ATP11B: variants seen among roughly 807,000 people sequenced by gnomAD.
ATP11B encodes the protein ATPase phospholipid transporting 11B (putative).
A neutral mutation model predicts 157.8 loss-of-function variants in ATP11B; 81 were observed. That is an observed-to-expected ratio of 0.51 (90% CI 0.43 to 0.62). ATP11B has a LOEUF of 0.62. Among genes scored for constraint, ATP11B ranks in the 20% least tolerant of loss-of-function variants. The pLI, the probability that ATP11B is intolerant of heterozygous loss-of-function variation, is 0.00. For synonymous variants in ATP11B, 451 were observed against 469.4 expected (o/e 0.96, Z 0.51); for missense variants, 1,165 against 1,402.2 (o/e 0.83, Z 2.70).
chr3:182,810,100 G>A (rs1716559748), intron 1 of ATP11B, among the ~76,000 whole-genome samples: 1 of 152,134 alleles, frequency 6.6e-6, no homozygotes, highest in Non-Finnish European at 1.5e-5. Flanking sequence ...GGGAAGCCGA[G>A]GCGAGCAGAT....
rs756982430 is a variant in ATP11B at position 182,920,838 on chromosome 3, T to TCTAA, written c.*2737_*2740dup. ...AGGGGAGAATTTATGGTCTGAATTTTCTAACTGTCCTCTTTCTTGGGTCTA... is the reference window on the plus strand; with the variant it reads ...AGGGGAGAATTTATGGTCTGAATTTTCTAACTAACTGTCCTCTTTCTTGGGTCTA... On this transcript the variant is annotated 3_prime_UTR_variant, in exon 30 of 30. Transcript: ENST00000323116. The TCTAA allele has an allele frequency of 1.2e-4, 19 of 152,402 alleles. No individual in the cohort carries two copies. Among genetic ancestry groups the TCTAA allele is most frequent in the African/African-American group, 2.4e-4 (10 of 41,578 alleles). 9.4% of individuals were successfully genotyped at this position (152,402 alleles called of 1,614,324 possible).
At chr3:182,896,656 CATT>C (rs1461323725) in intron 25 of ATP11B, 41 bp from the exon 26 acceptor site, 1 of 1,497,910 alleles carries the variant, frequency 6.7e-7, no homozygotes, top group South Asian at 1.1e-5. Context: ...TGACATTTAA[CATT>C]ATGTTAACAC....
intron 4 of ATP11B, among the ~76,000 whole-genome samples, chr3:182,833,442 C>T (rs2108508418): frequency 1.3e-5 from 2 of 152,230 alleles, no homozygotes; most frequent in South Asian, 4.1e-4. Context: ...CCTTCCACCT[C>T]AGCCTACCAA....
At chr3:182,867,881 T>C (rs1317183667) in intron 15 of ATP11B, among the ~76,000 whole-genome samples, 1 of 152,178 alleles carries the variant, frequency 6.6e-6, no homozygotes, top group African/African-American at 2.4e-5. Flanking sequence ...CACATTACAT[T>C]TTTAAAGGGT....
rs1718615810 is a variant in ATP11B, at chr3:182,837,130, A to G, written c.612A>G (p.Leu204=). The G allele has an allele frequency of 3.1e-6, 5 of 1,613,358 alleles. No homozygotes were observed. The highest frequency in any genetic ancestry group is 4.2e-6 in the Non-Finnish European group (5 of 1,179,564). ...AAACAGTTGCCAATTTGGACACTCT[A>G]GTAGCTGTAATAGAATGCCAGCAAC... ...LLQTVANLDT[L]VAVIECQQPE... Residue 204 remains leucine (L), a synonymous_variant, in exon 7 of 30, where the codon CTA becomes CTG. Coordinates refer to ENST00000323116, the MANE Select transcript of ATP11B (RefSeq NM_014616.3).
intron 27 of ATP11B, among the ~76,000 whole-genome samples, chr3:182,897,742 C>G (rs1420750834): frequency 2.0e-5 from 3 of 151,994 alleles, no homozygotes; most frequent in Non-Finnish European, 4.4e-5. Context: ...TTTCTTTACA[C>G]TAGTTATATT....
At chr3:182,821,339 C>T (rs1717331160) in intron 2 of ATP11B, among the ~76,000 whole-genome samples, 1 of 152,080 alleles carries the variant, frequency 6.6e-6, no homozygotes, top group Admixed American at 6.5e-5. Context: ...GAACTCCAGA[C>T]CTCATGATCC....
chr3:182,865,929 A>G (rs1208202783), intron 13 of ATP11B, among the ~76,000 whole-genome samples: 3 of 82,918 alleles, frequency 3.6e-5, no homozygotes, highest in Non-Finnish European at 3.6e-5. Context: ...TTTAAATGGA[A>G]CGTAGTTAAG....
intron 19 of ATP11B, among the ~76,000 whole-genome samples, chr3:182,876,712 T>C (rs1384699376): frequency 6.6e-6 from 1 of 152,170 alleles, no homozygotes; most frequent in African/African-American, 2.4e-5. Context: ...AGGGCAAATC[T>C]CTGAAGCCTC....
intron 25 of ATP11B, among the ~76,000 whole-genome samples, chr3:182,894,276 A>G (rs1723368940): frequency 6.6e-6 from 1 of 152,194 alleles, no homozygotes; most frequent in Admixed American, 6.5e-5. Flanking sequence ...TTTTAAACAG[A>G]GCTTCATAGA....
intron 29 of ATP11B, chr3:182,914,889 G>T: frequency 1.2e-5 from 12 of 985,302 alleles, no homozygotes; most frequent in Non-Finnish European, 1.4e-5. Flanking sequence ...TCAAAATCAG[G>T]GCAGCAGTAC....
intron 1 of ATP11B, among the ~76,000 whole-genome samples, chr3:182,802,266 C>CAT (rs1490887332): frequency 6.6e-6 from 1 of 152,174 alleles, no homozygotes; most frequent in Non-Finnish European, 1.5e-5. Context: ...TAGTTCATCT[C>CAT]ATTGTTTCTC....
intron 25 of ATP11B, among the ~76,000 whole-genome samples, chr3:182,895,734 C>T (rs1009530511): frequency 2.0e-5 from 3 of 152,110 alleles, no homozygotes; most frequent in African/African-American, 7.2e-5. Context: ...TGGCTGCTTA[C>T]AGGCTAGGGT....
At chr3:182,815,397 G>A (rs1326721299) in intron 1 of ATP11B, among the ~76,000 whole-genome samples, 2 of 152,102 alleles carry the variant, frequency 1.3e-5, no homozygotes, top group Non-Finnish European at 2.9e-5. Context: ...TTTATTGAAA[G>A]TTTATGTCTA....
chr3:182,855,993 A>T (rs1720370163), intron 10 of ATP11B, among the ~76,000 whole-genome samples: 1 of 152,192 alleles, frequency 6.6e-6, no homozygotes, highest in Non-Finnish European at 1.5e-5. Flanking sequence ...ACAAAACTAA[A>T]CATGTTTACC....
chr3:182,916,904 C>CT, intron 29 of ATP11B: 1 of 982,332 alleles, frequency 1.0e-6, no homozygotes, highest in Non-Finnish European at 1.2e-6. Context: ...CCTGTAAATA[C>CT]TTACTCTTTA....
chr3:182,796,287 T>C (rs1715593726), intron 1 of ATP11B, among the ~76,000 whole-genome samples: 1 of 152,236 alleles, frequency 6.6e-6, no homozygotes. Flanking sequence ...GTGGTACAGT[T>C]AGTATTATTC....
chr3:182,852,548 C>G (rs947803877), intron 10 of ATP11B, among the ~76,000 whole-genome samples: 4 of 152,178 alleles, frequency 2.6e-5, no homozygotes, highest in African/African-American at 2.4e-5. Context: ...AACAGAAAGT[C>G]TAAATAACCC....
chr3:182,888,318 C>A (rs1490238372), intron 24 of ATP11B, among the ~76,000 whole-genome samples: 2 of 152,106 alleles, frequency 1.3e-5, no homozygotes, highest in African/African-American at 4.8e-5. Flanking sequence ...TAGGACAGGG[C>A]TTGACCTAAG....
Sources: gnomAD v4.1 joint callset for allele counts (sites outside exome capture counted in the v4.1 genomes callset) on GRCh38, gnomAD v4.1.1 for gene constraint, MANE v1.5 for transcripts, NCBI Gene and HGNC (gene_info 2026-07-23, HGNC 2026-07-21) for gene names.